The following PKP4 variants were observed in gnomAD, a reference collection of about 807,000 sequenced individuals.
PKP4 encodes plakophilin 4.
A neutral mutation model predicts 145.1 loss-of-function variants in PKP4; 90 were observed. The ratio of observed to expected loss-of-function variants is 0.62; its 90% CI spans 0.52 to 0.74. The LOEUF is 0.74. PKP4 is among the 30% of genes least tolerant of loss of function. PKP4 has a pLI of 0.00. For missense variants in PKP4, 1,340 were observed against 1,482.7 expected (o/e 0.90, Z 1.58); for synonymous variants, 563 against 577.2 (o/e 0.98, Z 0.35).
At chr2:158,651,899 T>G (rs2055399707) in intron 11 of PKP4, among the ~76,000 whole-genome samples, 1 of 152,090 alleles carries the variant, frequency 6.6e-6, no homozygotes, top group African/African-American at 2.4e-5. Context: ...AAGCCATACC[T>G]GTTGCTCTTC....
chr2:158,540,909 T>C (rs2044467887), intron 2 of PKP4, among the ~76,000 whole-genome samples: 1 of 152,184 alleles, frequency 6.6e-6, no homozygotes, highest in African/African-American at 2.4e-5. Flanking sequence ...AATTATAATT[T>C]CCTTTTCAGT....
intron 20 of PKP4, among the ~76,000 whole-genome samples, chr2:158,677,937 AAAAT>A (rs1053148117): frequency 6.6e-6 from 1 of 152,236 alleles, no homozygotes; most frequent in African/African-American, 2.4e-5. Context: ...CCTCATTAAA[AAAAT>A]AAAAATCTTT....
chr2:158,592,959 T>C (rs2049402258), intron 3 of PKP4, among the ~76,000 whole-genome samples: 1 of 152,202 alleles, frequency 6.6e-6, no homozygotes, highest in Non-Finnish European at 1.5e-5. Flanking sequence ...CAGTCTCACA[T>C]AGAACAAATA....
At chr2:158,669,949 C>G in intron 17 of PKP4, 34 bp downstream of exon 17, 1 of 1,539,766 alleles carries the variant, frequency 6.5e-7, no homozygotes, top group Non-Finnish European at 8.9e-7. Context: ...AAGCAGTGCT[C>G]TTATTCCTGA....
At chr2:158,543,281 G>T (rs565718988) in intron 2 of PKP4, among the ~76,000 whole-genome samples, 4 of 152,236 alleles carry the variant, frequency 2.6e-5, no homozygotes, top group South Asian at 2.1e-4. Flanking sequence ...TGCTCAACAG[G>T]TATATATTTG....
At chr2:158,622,585 G>A (rs906528167) in intron 6 of PKP4, among the ~76,000 whole-genome samples, 3 of 152,032 alleles carry the variant, frequency 2.0e-5, no homozygotes, top group Admixed American at 6.6e-5. Context: ...AATGGGTCAC[G>A]GTTCCCAACG....
intron 16 of PKP4, among the ~76,000 whole-genome samples, chr2:158,667,387 G>A (rs1160138090): frequency 2.0e-5 from 3 of 152,132 alleles, no homozygotes; most frequent in African/African-American, 7.2e-5. Flanking sequence ...ATCTCTGAAG[G>A]GGAGCTGTTG....
chr2:158,659,639 A>AAT (rs1429163757), intron 12 of PKP4: 1 of 152,246 alleles, frequency 6.6e-6, no homozygotes, highest in Non-Finnish European at 1.5e-5. Flanking sequence ...CTACATCTGA[A>AAT]ATACCACAAG....
chr2:158,623,696 A>G lies in PKP4; in HGVS notation c.604-1182A>G, dbSNP rs749663999. ...CTGGAGGCAGAGCAGACATCCTCAT[A>G]TGACCCCTAAGGGTATACAAAGCCC... On this transcript the variant is annotated intron_variant, in intron 6 of 21. Coordinates refer to ENST00000389759, the MANE Select transcript of PKP4 (RefSeq NM_003628.6). Among the ~76,000 whole-genome samples the G allele has an allele frequency of 3.9e-5, 6 of 152,110 alleles. No homozygotes were observed. The South Asian group carries it at 6.2e-4, about 16-fold the overall frequency.
In PKP4 at chr2:158,681,289, CACAT is replaced by C. The variant is rs1240248419; in HGVS notation, c.*614_*617del. 1 of 153,016 alleles carries C rather than the reference CACAT, an allele frequency of 6.5e-6. No individual in the cohort carries two copies. Among genetic ancestry groups the C allele is most frequent in the East Asian group, 1.9e-4 (1 of 5,202 alleles). The allele number at this position is 153,016 out of a possible 1,614,324, so 9.5% of individuals were successfully genotyped here. A position where few individuals can be genotyped will look rare whatever the true frequency, so the allele number is the denominator to read the frequency against. On this transcript the variant is annotated 3_prime_UTR_variant, in exon 22 of 22. Coordinates refer to ENST00000389759, the MANE Select transcript of PKP4 (RefSeq NM_003628.6). ...ACCGCGACACCCTTTGTCTCCACCA[CACAT>C]AGTGTACTTTGGAAGCACAACGTCC...
intron 11 of PKP4, among the ~76,000 whole-genome samples, chr2:158,645,457 G>A (rs749365571): frequency 2.0e-5 from 3 of 152,188 alleles, no homozygotes; most frequent in Non-Finnish European, 4.4e-5. Flanking sequence ...CATTACATGA[G>A]TGCTTTCCTG....
rs757653924 is a variant in PKP4 at position 158,662,929 on chromosome 2, C to T, written c.2244C>T (p.Asn748=). The part of the protein sequence containing the change: ...TVENCVCTLR[N]LSYRLELEVP... The stretch of plus-strand genomic sequence containing the variant: ...AGAACTGCGTGTGCACCCTGAGGAA[C>T]CTGTCCTATCGGCTGGAGCTGGAGG... The change falls in exon 14 of 22, where the codon AAC becomes AAT. Residue 748 remains asparagine (N), a synonymous_variant. Coordinates refer to ENST00000389759, the MANE Select transcript of PKP4 (RefSeq NM_003628.6). 7 of 1,610,732 alleles carry T rather than the reference C, an allele frequency of 4.3e-6. No homozygotes were observed. In the South Asian group the frequency reaches 7.7e-5, roughly 18 times the overall value.
intron 9 of PKP4, among the ~76,000 whole-genome samples, chr2:158,636,309 C>G (rs1023606217): frequency 2.6e-4 from 39 of 151,776 alleles, no homozygotes; most frequent in African/African-American, 9.4e-4. Context: ...TCAGGATTTA[C>G]AGGTGTGCAT....
At chr2:158,499,395 C>G (rs770560515) in intron 1 of PKP4, among the ~76,000 whole-genome samples, 6 of 152,164 alleles carry the variant, frequency 3.9e-5, no homozygotes, top group Non-Finnish European at 7.3e-5. Flanking sequence ...TTTGACCCAC[C>G]TTGCTCAGTT....
rs185398833 is a variant in PKP4, at chr2:158,634,553, C to T, written c.1562+264C>T. Among the ~76,000 whole-genome samples the T allele has an allele frequency of 7.9e-4, 121 of 152,258 alleles. 1 individual carries two copies. Among genetic ancestry groups the T allele is most frequent in the African/African-American group, 2.8e-3 (115 of 41,548 alleles). ...ATGGGAATATCTGCAGCATTCATCA[C>T]TGAAATATTTCATCAAGACAACAAC... On this transcript the variant is annotated intron_variant, in intron 9 of 21. Transcript: ENST00000389759.
chr2:158,678,148 G>GGCTT (rs1302640150), intron 20 of PKP4, among the ~76,000 whole-genome samples: 2 of 152,110 alleles, frequency 1.3e-5, no homozygotes, highest in Non-Finnish European at 2.9e-5. Flanking sequence ...GAAGGCATGG[G>GGCTT]GCTTGTTCGA....
At chr2:158,568,241 G>A (rs938676744) in intron 2 of PKP4, among the ~76,000 whole-genome samples, 3 of 152,222 alleles carry the variant, frequency 2.0e-5, no homozygotes, top group Non-Finnish European at 4.4e-5. Context: ...GGGAAGCTGA[G>A]GCAGGAGAAT....
At chr2:158,501,914 G>C (rs1022147240) in intron 1 of PKP4, among the ~76,000 whole-genome samples, 1 of 152,182 alleles carries the variant, frequency 6.6e-6, no homozygotes, top group African/African-American at 2.4e-5. Flanking sequence ...TCAGGATCAT[G>C]TGTAAGACCT....
At chr2:158,496,724 CTCTT>C (rs1202151168) in intron 1 of PKP4, among the ~76,000 whole-genome samples, 3 of 151,678 alleles carry the variant, frequency 2.0e-5, no homozygotes. Context: ...GTCAGTGTCT[CTCTT>C]TCGCTCTCAC....
Sources: allele counts gnomAD v4.1 joint callset (sites outside exome capture counted in the v4.1 genomes callset), GRCh38; gene constraint gnomAD v4.1.1; transcripts MANE v1.5; gene names NCBI Gene and HGNC (gene_info 2026-07-23, HGNC 2026-07-21).